PDCD11: variants seen among roughly 807,000 people sequenced by gnomAD.
PDCD11 encodes programmed cell death 11, also known as protein RRP5 homolog.
Under a neutral mutation model 198.9 loss-of-function variants are expected in PDCD11, and 97 were observed. The observed-to-expected ratio is 0.49, with a 90% confidence interval of 0.41 to 0.58. The LOEUF (loss-of-function observed/expected upper bound fraction) is 0.58, where lower values mean the gene tolerates loss of function less well. PDCD11 is among the 20% of genes least tolerant of loss of function. The pLI is 0.00. For missense variants in PDCD11, 2,102 were observed against 2,312.7 expected (o/e 0.91, Z 1.87); for synonymous variants, 893 against 918.0 (o/e 0.97, Z 0.49).
chr10:103,441,873 A>T lies in PDCD11; in HGVS notation c.4605A>T (p.Ser1535=). 1 of 1,614,206 alleles carries T rather than the reference A, an allele frequency of 6.2e-7. No homozygotes were observed. The highest frequency in any genetic ancestry group is 8.5e-7 in the Non-Finnish European group (1 of 1,180,018). The stretch of plus-strand genomic sequence containing the variant: ...AAGCGCCCCGGCTGCAGCTGTCTTC[A>T]GGCTTCGCTTGGAATGTGGGACTAG... ...PAEAPRLQLS[S]GFAWNVGLDS... Residue 1535 remains serine (S), a synonymous_variant, in exon 31 of 36, where the codon TCA becomes TCT. Transcript: ENST00000369797.
Position 103,423,131 on chromosome 10 carries a change from C to T in PDCD11, c.2641C>T (p.Arg881Cys), listed in dbSNP as rs766348744. The T allele has an allele frequency of 1.3e-5, 20 of 1,575,402 alleles. No individual in the cohort carries two copies. The highest frequency in any genetic ancestry group is 5.5e-5 in the African/African-American group (4 of 73,372). ...GGTCCTGAAAGCCAGCAGATACCAT[C>T]GCGCAGGTGAGTGCTTCTGTCTTAC... Reference protein sequence around the residue: ...DLVLKASRYHRAGQEVESGQK... With the variant: ...DLVLKASRYHCAGQEVESGQK... The change falls in exon 18 of 36, where the codon CGC becomes TGC. Residue 881 changes from arginine (R) to cysteine (C), a missense_variant. Physicochemically the swap from Arg to Cys is radical, Grantham distance 180. Coordinates refer to ENST00000369797, the MANE Select transcript of PDCD11 (RefSeq NM_014976.2).
intron 14 of PDCD11, 133 bp downstream of exon 14, chr10:103,418,065 G>A: frequency 2.2e-6 from 2 of 927,818 alleles, no homozygotes; most frequent in Non-Finnish European, 3.4e-6. Flanking sequence ...GGCTAGAGGG[G>A]TTCATACGCA....
intron 16 of PDCD11, among the ~76,000 whole-genome samples, chr10:103,420,813 C>A (rs1459498691): frequency 6.6e-6 from 1 of 151,924 alleles, no homozygotes; most frequent in Non-Finnish European, 1.5e-5. Context: ...TGTGAATGTG[C>A]CTTCTTGACT....
intron 28 of PDCD11, 114 bp downstream of exon 28, chr10:103,439,982 G>A: frequency 7.8e-7 from 1 of 1,288,938 alleles, no homozygotes; most frequent in Non-Finnish European, 1.1e-6. Flanking sequence ...GCGTAGTGGT[G>A]TTCAGATGAA....
Position 103,443,884 on chromosome 10 carries a change from T to A in PDCD11, c.5125-31T>A, listed in dbSNP as rs1420680308. The A allele has an allele frequency of 6.2e-6, 10 of 1,609,522 alleles. No homozygotes were observed. The African/African-American group carries it at 8.0e-5, about 13-fold the overall frequency. On this transcript the variant is annotated intron_variant, in intron 33 of 35. Transcript: ENST00000369797. ...TCTTGTCCCCTCTGTAGTATCACAC[T>A]CTCCTCAGCGTGCCTCGTCTTTTCC... is the stretch of plus-strand genomic sequence containing the variant.
At chr10:103,412,037 C>G (rs2030832973) in intron 8 of PDCD11, among the ~76,000 whole-genome samples, 1 of 152,100 alleles carries the variant, frequency 6.6e-6, no homozygotes, top group Non-Finnish European at 1.5e-5. Flanking sequence ...GGGTCTCACT[C>G]TGTCACCCAG....
chr10:103,425,593 T>C (rs764518985), intron 20 of PDCD11, 68 bp downstream of exon 20: 11 of 1,421,028 alleles, frequency 7.7e-6, no homozygotes, highest in Non-Finnish European at 1.1e-5. Context: ...ACTGGGAAAG[T>C]AGGTGGGCTC....
chr10:103,423,006 C>T lies in PDCD11; in HGVS notation c.2516C>T (p.Thr839Met), dbSNP rs142899352. ...CTGGCAGACTCTGTGTTGATCCAGA[C>T]GCTGGCCGAGATGACCCCAGGAATG... ...MSNRDSVLIQ[T>M]LAEMTPGMFL... The change falls in exon 18 of 36, where the codon ACG becomes ATG. Residue 839 changes from threonine to methionine, a missense_variant. Coordinates refer to ENST00000369797, the MANE Select transcript of PDCD11 (RefSeq NM_014976.2). 2.4e-5 allele frequency: 38 copies of T among 1,567,402 alleles called. No homozygotes were observed. In the East Asian group the frequency reaches 3.7e-4, roughly 15 times the overall value.
chr10:103,407,736 T>TG, intron 7 of PDCD11, among the ~76,000 whole-genome samples: 1 of 151,836 alleles, frequency 6.6e-6, no homozygotes, highest in South Asian at 2.1e-4. Context: ...TTTTTTTTTT[T>TG]GAGACGGAGG....
At chr10:103,412,796 A>G (rs2030878906) in intron 8 of PDCD11, among the ~76,000 whole-genome samples, 1 of 152,060 alleles carries the variant, frequency 6.6e-6, no homozygotes, top group Non-Finnish European at 1.5e-5. Context: ...ACAGGGTTTC[A>G]CTATGTGCGC....
At chr10:103,435,208 T>C (rs957882744) in intron 25 of PDCD11, among the ~76,000 whole-genome samples, 1 of 152,092 alleles carries the variant, frequency 6.6e-6, no homozygotes, top group African/African-American at 2.4e-5. Context: ...AATAATAGAA[T>C]ATCATTTGAT....
Position 103,445,561 on chromosome 10 carries a change from C to T in PDCD11, c.*12C>T, listed in dbSNP as rs768143760. 4 of 1,611,530 alleles carry T rather than the reference C, an allele frequency of 2.5e-6. No homozygotes were observed. In the South Asian group the frequency reaches 4.4e-5, roughly 18 times the overall value. ...TGCTAGAGGACTAGTGGCAGGCTGG[C>T]TCTGTGGGACACTGTCAACAATGGG... On this transcript the variant is annotated 3_prime_UTR_variant, in exon 36 of 36. Coordinates refer to ENST00000369797, the MANE Select transcript of PDCD11 (RefSeq NM_014976.2).
chr10:103,428,698 C>T (rs2031802816), intron 21 of PDCD11, among the ~76,000 whole-genome samples: 1 of 152,134 alleles, frequency 6.6e-6, no homozygotes, highest in Admixed American at 6.5e-5. Flanking sequence ...ACACTGAGAT[C>T]CTAAATGGTT....
intron 8 of PDCD11, among the ~76,000 whole-genome samples, chr10:103,411,839 G>A (rs1460178088): frequency 5.6e-4 from 85 of 152,174 alleles, no homozygotes; most frequent in East Asian, 1.9e-4. Flanking sequence ...ATGTTATGAT[G>A]AGATCAGGCT....
rs1274352965 is a variant in PDCD11, at chr10:103,425,041, A to C, written c.2821A>C (p.Ile941Leu). 2.5e-6 allele frequency: 4 copies of C among 1,614,220 alleles called. No homozygotes were observed. In the East Asian group the frequency reaches 8.9e-5, roughly 36 times the overall value. ...GCAGCACTTGGAGAAGTCCTTTGCCATTGCCTCCTTGGTAGAGACGGGCCA... is the reference window on the plus strand; with the variant it reads ...GCAGCACTTGGAGAAGTCCTTTGCCCTTGCCTCCTTGGTAGAGACGGGCCA... ...IVQHLEKSFA[I>L]ASLVETGHLA... Residue 941 changes from isoleucine to leucine, a missense_variant, in exon 20 of 36, where the codon ATT (isoleucine) becomes CTT (leucine). Ile to Leu is a conservative substitution (Grantham distance 5, BLOSUM62 2). Transcript: ENST00000369797.
Position 103,398,421 on chromosome 10 carries a change from C to A in PDCD11, c.-6C>A. On this transcript the variant is annotated 5_prime_UTR_variant, in exon 2 of 36. Coordinates refer to ENST00000369797, the MANE Select transcript of PDCD11 (RefSeq NM_014976.2). ...ATCCTTTGCATTGTTTTTAGGAGAC[C>A]CAAACATGGCAAACCTGGAAGAAAG... The A allele has an allele frequency of 1.2e-6, 2 of 1,604,952 alleles. No homozygotes were observed. The highest frequency in any genetic ancestry group is 2.7e-5 in the African/African-American group (2 of 74,822).
At chr10:103,413,386 G>A in intron 9 of PDCD11, 64 bp downstream of exon 9, 1 of 1,311,052 alleles carries the variant, frequency 7.6e-7, no homozygotes, top group Non-Finnish European at 1.1e-6. Flanking sequence ...AGCACAGGGG[G>A]CCATTTCTGC....
intron 21 of PDCD11, among the ~76,000 whole-genome samples, chr10:103,431,591 C>CA (rs1168370328): frequency 8.2e-5 from 11 of 133,852 alleles, no homozygotes; most frequent in Admixed American, 2.3e-4. Flanking sequence ...GACTCTGTCT[C>CA]AAAAAAAAGA....
At chr10:103,423,259 G>T (rs1049316192) in intron 18 of PDCD11, 122 bp downstream of exon 18, 1 of 1,028,432 alleles carries the variant, frequency 9.7e-7, no homozygotes, top group Non-Finnish European at 1.4e-6. Context: ...GAGATTTTTG[G>T]CATGCCTATC....
Sources: allele counts gnomAD v4.1 joint callset (sites outside exome capture counted in the v4.1 genomes callset), GRCh38; gene constraint gnomAD v4.1.1; transcripts MANE v1.5; gene names NCBI Gene and HGNC (gene_info 2026-07-23, HGNC 2026-07-21).